DPYD: variants seen among roughly 807,000 people sequenced by gnomAD.
DPYD encodes the protein dihydropyrimidine dehydrogenase.
DPYD carries 109 observed loss-of-function variants against 116.2 expected under a neutral mutation model. The observed-to-expected ratio is 0.94, with a 90% CI of 0.80 to 1.10. The LOEUF (loss-of-function observed/expected upper bound fraction) is 1.10, where lower values mean the gene tolerates loss of function less well. Among genes scored for constraint, DPYD ranks in the 50% least tolerant of loss-of-function variants. The pLI is 0.00. For missense variants in DPYD, 1,302 were observed against 1,254.5 expected, an observed-to-expected ratio of 1.04 and a Z score of -0.57; for synonymous variants, 440 against 432.0, an observed-to-expected ratio of 1.02 and a Z score of -0.23.
intron 3 of DPYD, among the ~76,000 whole-genome samples, chr1:97,771,272 A>G (rs1041078779): frequency 1.3e-5 from 2 of 152,228 alleles, no homozygotes; most frequent in Non-Finnish European, 2.9e-5. Flanking sequence ...AATTACAAAG[A>G]AAAAAGAAAA....
chr1:97,487,735 C>T (rs547813121), intron 13 of DPYD, among the ~76,000 whole-genome samples: 3 of 152,088 alleles, frequency 2.0e-5, no homozygotes, highest in African/African-American at 7.2e-5. Context: ...AAGAGAACTG[C>T]TAAAATAATT....
chr1:97,540,917 G>C (rs777745345), intron 12 of DPYD, among the ~76,000 whole-genome samples: 12 of 152,298 alleles, frequency 7.9e-5, no homozygotes, highest in Non-Finnish European at 1.2e-4. Context: ...ACAGGGTAAA[G>C]ATGAAAATTT....
At chr1:97,717,026 T>A (rs2101015885) in intron 5 of DPYD, among the ~76,000 whole-genome samples, 1 of 152,156 alleles carries the variant, frequency 6.6e-6, no homozygotes, top group South Asian at 2.1e-4. Flanking sequence ...AATGATCAAG[T>A]CAGGGTAACT....
intron 3 of DPYD, among the ~76,000 whole-genome samples, chr1:97,805,367 G>T (rs1461217178): frequency 6.6e-6 from 1 of 151,788 alleles, no homozygotes. Flanking sequence ...TACGTGTCCA[G>T]ATTTTAAAGA....
At chr1:97,821,280 G>A (rs1187050978) in intron 3 of DPYD, among the ~76,000 whole-genome samples, 5 of 139,872 alleles carry the variant, frequency 3.6e-5, no homozygotes, top group Non-Finnish European at 6.0e-5. Flanking sequence ...GCAGTGAGCC[G>A]AGACCGCAAC....
chr1:97,170,361 T>C (rs1284295290), intron 20 of DPYD, among the ~76,000 whole-genome samples: 2 of 152,156 alleles, frequency 1.3e-5, no homozygotes, highest in African/African-American at 4.8e-5. Flanking sequence ...GAAGGTTGCT[T>C]ACCACAGGGG....
intron 1 of DPYD, among the ~76,000 whole-genome samples, chr1:97,888,793 A>G (rs1405026881): frequency 6.6e-6 from 1 of 152,140 alleles, no homozygotes; most frequent in African/African-American, 2.4e-5. Context: ...TATCTTTCAA[A>G]AAATACATTC....
intron 6 of DPYD, among the ~76,000 whole-genome samples, chr1:97,695,571 C>A (rs532091828): frequency 6.7e-6 from 1 of 150,190 alleles, no homozygotes; most frequent in East Asian, 2.0e-4. Flanking sequence ...GAAATAATGA[C>A]CAGCACATAG....
At position 97,286,272 on chromosome 1, in the gene DPYD, T is replaced by C. The variant is rs534815064; in HGVS notation, c.2299+18987A>G. ...CCCCACTCTCTTCTGGCTTGTAGAG[T>C]TTCTGCTGAGAGATCCGCTGTTAGT... On this transcript the variant is annotated intron_variant, in intron 18 of 22. Transcript: ENST00000370192. Among the ~76,000 whole-genome samples, 7 of 152,278 alleles carry C rather than the reference T, an allele frequency of 4.6e-5. No individual in the cohort carries two copies. The East Asian group carries it at 1.4e-3, about 29-fold the overall frequency.
intron 18 of DPYD, among the ~76,000 whole-genome samples, chr1:97,288,141 C>T (rs990907189): frequency 1.3e-5 from 2 of 151,416 alleles, no homozygotes; most frequent in Admixed American, 6.6e-5. Context: ...GCTAACTATC[C>T]TAAATATATA....
At chr1:97,427,731 C>G (rs1439436494) in intron 14 of DPYD, among the ~76,000 whole-genome samples, 2 of 151,976 alleles carry the variant, frequency 1.3e-5, no homozygotes, top group South Asian at 4.1e-4. Flanking sequence ...AAATGCACCT[C>G]CGTCTCAAAC....
At chr1:97,639,300 T>G (rs1166159326) in intron 8 of DPYD, among the ~76,000 whole-genome samples, 1 of 152,180 alleles carries the variant, frequency 6.6e-6, no homozygotes, top group African/African-American at 2.4e-5. Context: ...TATTGCTTAC[T>G]GTTATTGATA....
chr1:97,173,816 A>G (rs1433918240), intron 20 of DPYD, among the ~76,000 whole-genome samples: 1 of 145,370 alleles, frequency 6.9e-6, no homozygotes, highest in Non-Finnish European at 1.5e-5. Context: ...TCCAGTCACA[A>G]TTTTCTAGGA....
chr1:97,331,527 G>A (rs563101986), intron 16 of DPYD, among the ~76,000 whole-genome samples: 26 of 152,186 alleles, frequency 1.7e-4, no homozygotes, highest in African/African-American at 5.5e-4. Flanking sequence ...TATTTTATAC[G>A]AGTCCATTCA....
intron 2 of DPYD, among the ~76,000 whole-genome samples, chr1:97,851,146 C>T (rs943381360): frequency 2.0e-5 from 3 of 151,376 alleles, no homozygotes; most frequent in Admixed American, 1.3e-4. Context: ...TCTATTAATA[C>T]AAAAATATAT....
intron 18 of DPYD, among the ~76,000 whole-genome samples, chr1:97,257,452 T>TATATATATATATATAGAGAG (rs375490078): frequency 2.5e-4 from 31 of 126,462 alleles, no homozygotes; most frequent in South Asian, 1.6e-3. Flanking sequence ...TATATATATA[T>TATATATATATATATAGAGAG]AGAGAGAGAG....
chr1:97,442,475 T>G (rs984284646), intron 14 of DPYD, among the ~76,000 whole-genome samples: 2 of 151,730 alleles, frequency 1.3e-5, no homozygotes, highest in Admixed American at 1.3e-4. Context: ...TTACATATTC[T>G]GATTCATTTT....
chr1:97,217,788 G>A (rs1380176166), intron 19 of DPYD, among the ~76,000 whole-genome samples: 1 of 152,150 alleles, frequency 6.6e-6, no homozygotes, highest in Non-Finnish European at 1.5e-5. Context: ...AGTGCTGATG[G>A]CTCCCTGATG....
At chr1:97,399,121 G>C (rs1032717696) in intron 14 of DPYD, among the ~76,000 whole-genome samples, 1 of 152,160 alleles carries the variant, frequency 6.6e-6, no homozygotes, top group Non-Finnish European at 1.5e-5. Flanking sequence ...ATTAATTTTT[G>C]TATAAGGTGT....
Sources: gnomAD v4.1 joint callset for allele counts (sites outside exome capture counted in the v4.1 genomes callset) on GRCh38, gnomAD v4.1.1 for gene constraint, MANE v1.5 for transcripts, NCBI Gene and HGNC (gene_info 2026-07-23, HGNC 2026-07-21) for gene names.